The following MPRIP variants were observed in gnomAD, a reference collection of about 807,000 sequenced individuals.
MPRIP encodes the protein myosin phosphatase Rho interacting protein.
Under a neutral mutation model 234.9 loss-of-function variants are expected in MPRIP, and 59 were observed. The observed-to-expected ratio is 0.25, with a 90% CI of 0.20 to 0.31. The LOEUF is 0.31. MPRIP is among the 10% of genes least tolerant of loss of function. MPRIP has a pLI of 1.00. For synonymous variants in MPRIP, 1,144 were observed against 1,263.9 expected (o/e 0.91, Z 2.01); for missense variants, 2,436 against 3,071.0 (o/e 0.79, Z 4.89).
chr17:17,042,539 G>A lies in MPRIP; in HGVS notation c.-310G>A, dbSNP rs1274094679. 13 of 147,362 alleles carry A rather than the reference G, an allele frequency of 8.8e-5. No homozygotes were observed. The highest frequency in any genetic ancestry group is 3.2e-4 in the African/African-American group (13 of 40,998). 9.1% of individuals were successfully genotyped at this position (147,362 alleles called of 1,614,324 possible). A position where few individuals can be genotyped will look rare whatever the true frequency, so the allele number is the denominator to read the frequency against. ...TGCGGCGGCGCGGACGAGCCGGGAC[G>A]GCGGCGACCGGAGCCTGAGAGGCGG... is the stretch of plus-strand genomic sequence containing the variant. On this transcript the variant is annotated 5_prime_UTR_variant, in exon 1 of 24. Transcript: ENST00000651222.
At chr17:17,153,058 G>T (rs948269192) in intron 12 of MPRIP, among the ~76,000 whole-genome samples, 1 of 152,142 alleles carries the variant, frequency 6.6e-6, no homozygotes, top group Non-Finnish European at 1.5e-5. Context: ...CTCCAGCAAC[G>T]CCCACACCTG....
rs1419385177 is a variant in MPRIP, at chr17:17,191,002, G to T, written c.*6108G>T. 2.0e-5 allele frequency: 3 copies of T among 152,162 alleles called. No homozygotes were observed. The highest frequency in any genetic ancestry group is 4.4e-5 in the Non-Finnish European group (3 of 68,026). The allele number at this position is 152,162 out of a possible 1,614,324, so 9.4% of individuals were successfully genotyped here. ...CTTAGACACCCCTTTTTAAGATGGG[G>T]AGAACAGGGTTGACTGCACCGTTGA... On this transcript the variant is annotated 3_prime_UTR_variant, in exon 24 of 24. Transcript: ENST00000651222.
At chr17:17,176,284 C>T (rs760305294) in intron 20 of MPRIP, 142 bp from the exon 21 acceptor site, 10 of 677,272 alleles carry the variant, frequency 1.5e-5, no homozygotes, top group Admixed American at 2.2e-5. Flanking sequence ...GGTGTTTAAA[C>T]GATGCTTGCC....
intron 5 of MPRIP, among the ~76,000 whole-genome samples, chr17:17,132,923 A>AT (rs1255744055): frequency 1.2e-4 from 18 of 152,362 alleles, no homozygotes; most frequent in African/African-American, 4.3e-4. Flanking sequence ...AAACAAAAAA[A>AT]TCACAGGCAG....
chr17:17,175,817 T>C (rs368063798), intron 20 of MPRIP, among the ~76,000 whole-genome samples: 2 of 152,232 alleles, frequency 1.3e-5, no homozygotes, highest in East Asian at 3.8e-4. Context: ...GGCACTTAGA[T>C]TTCTCCACAT....
intron 3 of MPRIP, among the ~76,000 whole-genome samples, chr17:17,113,134 G>C (rs967171982): frequency 6.6e-6 from 1 of 152,164 alleles, no homozygotes; most frequent in African/African-American, 2.4e-5. Flanking sequence ...TCCTGGCCCT[G>C]CCCTGCAGTC....
rs763291728 is a variant in MPRIP, at chr17:17,143,571, G to A, written c.1405G>A (p.Ala469Thr). The A allele has an allele frequency of 1.9e-6, 3 of 1,596,310 alleles. No homozygotes were observed. In the Admixed American group the frequency reaches 5.2e-5, roughly 28 times the overall value. Reference sequence around the variant, plus strand: ...TCTGCCACAGGACTTCACCAATGAAGCCCCCCCAGCTCCTCTCCCAGACGC... The same window carrying A: ...TCTGCCACAGGACTTCACCAATGAAACCCCCCCAGCTCCTCTCCCAGACGC... ...FPRKRDFTNE[A>T]PPAPLPDASA... Residue 469 changes from alanine to threonine, a missense_variant, in exon 9 of 24, where the codon GCC becomes ACC. This residue lies in a region of MPRIP where 267 missense variants were observed against 252.7 expected (regional missense o/e 1.06). Transcript: ENST00000651222.
intron 1 of MPRIP, among the ~76,000 whole-genome samples, chr17:17,064,147 T>A (rs1303614227): frequency 6.6e-6 from 1 of 151,486 alleles, no homozygotes; most frequent in Non-Finnish European, 1.5e-5. Flanking sequence ...TGTAGACCCC[T>A]GAGGACTGAC....
intron 13 of MPRIP, among the ~76,000 whole-genome samples, chr17:17,155,333 A>T (rs889958407): frequency 6.6e-6 from 1 of 151,144 alleles, no homozygotes; most frequent in Non-Finnish European, 1.5e-5. Context: ...GCTCGCTGCA[A>T]CCTCCACCTC....
chr17:17,063,330 C>CAGGAT (rs2088923249), intron 1 of MPRIP, among the ~76,000 whole-genome samples: 1 of 152,182 alleles, frequency 6.6e-6, no homozygotes, highest in Non-Finnish European at 1.5e-5. Context: ...CTGGATGAGG[C>CAGGAT]AGGATTCTTG....
In MPRIP at chr17:17,158,523, G is replaced by A; in HGVS notation, c.1921G>A (p.Asp641Asn). 2.5e-6 allele frequency: 4 copies of A among 1,611,794 alleles called. No individual in the cohort carries two copies. Among genetic ancestry groups the A allele is most frequent in the Non-Finnish European group, 3.4e-6 (4 of 1,179,920 alleles). The change falls in exon 14 of 24, where the codon GAC becomes AAC. Residue 641 changes from aspartate (D) to asparagine (N), a missense_variant. Asp to Asn is a conservative substitution (Grantham distance 23). Around this residue, in one of 4 missense-constraint regions of MPRIP, gnomAD observed 1,998 missense variants for 2,520.3 expected, o/e 0.79. Transcript: ENST00000651222. ...GCAAGAGGCAGAGCTGGGGGAGCCG[G>A]ACCCTGAGCAGAAGAGGAGCCGCGC... ...EKQEAELGEPDPEQKRSRARE... is the reference protein window; with the variant it reads ...EKQEAELGEPNPEQKRSRARE...
intron 3 of MPRIP, among the ~76,000 whole-genome samples, chr17:17,080,175 G>A (rs567916827): frequency 6.6e-6 from 1 of 152,342 alleles, no homozygotes; most frequent in South Asian, 2.1e-4. Context: ...CCGAGGCTGT[G>A]GAGGGGTTTC....
intron 1 of MPRIP, among the ~76,000 whole-genome samples, chr17:17,055,947 G>A (rs1040684846): frequency 1.3e-5 from 2 of 152,248 alleles, no homozygotes; most frequent in African/African-American, 4.8e-5. Context: ...GAAGGGTAGA[G>A]AGAGGTAGTA....
chr17:17,170,667 G>A (rs1001728272), intron 16 of MPRIP, among the ~76,000 whole-genome samples: 6 of 152,224 alleles, frequency 3.9e-5, no homozygotes, highest in African/African-American at 1.4e-4. Context: ...CCCCACACTT[G>A]AATTTGGAAT....
At chr17:17,172,236 G>A (rs1050472148) in intron 17 of MPRIP, among the ~76,000 whole-genome samples, 4 of 152,224 alleles carry the variant, frequency 2.6e-5, no homozygotes, top group Non-Finnish European at 5.9e-5. Context: ...TGCCCCTGCC[G>A]TCAGCGTGAA....
In MPRIP at chr17:17,167,249, C is replaced by T. The variant is rs1447134420; in HGVS notation, c.5658C>T (p.Ala1886=). 7.7e-7 allele frequency: 1 copy of T among 1,303,862 alleles called. No homozygotes were observed. Among genetic ancestry groups the T allele is most frequent in the Admixed American group, 2.3e-5 (1 of 43,524 alleles). 80.8% of individuals were successfully genotyped at this position (1,303,862 alleles called of 1,614,324 possible). A position where few individuals can be genotyped will look rare whatever the true frequency, so the allele number is the denominator to read the frequency against. ...CAGAGCAGGCACAGGCAGCCCGGGC[C>T]CTGAGGGAGGAGTATGAGGAGCTTC... ...SCSEQAQAAR[A]LREEYEELLR... The change falls in exon 16 of 24, where the codon GCC becomes GCT. Residue 1886 remains alanine (A), a synonymous_variant. Coordinates refer to ENST00000651222, the MANE Select transcript of MPRIP (RefSeq NM_001364716.4). This position sits in a 1 kb window ranked among gnomAD's most constrained non-coding sequence, Gnocchi z 5.9.
At chr17:17,112,115 C>A (rs1567722396) in intron 3 of MPRIP, among the ~76,000 whole-genome samples, 1 of 152,114 alleles carries the variant, frequency 6.6e-6, no homozygotes, top group Admixed American at 6.5e-5. Context: ...AACTGGTGTC[C>A]CTGTGTATGC....
chr17:17,170,585 G>A (rs1023823884), intron 16 of MPRIP, among the ~76,000 whole-genome samples: 6 of 152,230 alleles, frequency 3.9e-5, no homozygotes, highest in Admixed American at 3.9e-4. Flanking sequence ...GGATTTCTTG[G>A]TATCCTTTCT....
In MPRIP at chr17:17,131,643, C is replaced by T; in HGVS notation, c.446C>T (p.Pro149Leu). 1 of 1,614,112 alleles carries T rather than the reference C, an allele frequency of 6.2e-7. No individual in the cohort carries two copies. The highest frequency in any genetic ancestry group is 1.1e-5 in the South Asian group (1 of 91,080). Reference sequence around the variant, plus strand: ...TGGCTGGAGATGCTCATGGTCTATCCCCGGACCAACAAGCAGAATCAGAAG... The same window carrying T: ...TGGCTGGAGATGCTCATGGTCTATCTCCGGACCAACAAGCAGAATCAGAAG... ...SGWLEMLMVY[P>L]RTNKQNQKKK... is the part of the protein sequence containing the mutation. The change falls in exon 5 of 24, where the codon CCC (proline) becomes CTC (leucine). Residue 149 changes from proline to leucine, a missense_variant. By Grantham distance (98) the Pro-to-Leu change is moderately conservative. Transcript: ENST00000651222.
Sources: allele counts gnomAD v4.1 joint callset (sites outside exome capture counted in the v4.1 genomes callset), GRCh38; gene constraint gnomAD v4.1.1; regional missense constraint gnomAD v4.1.1; non-coding constraint Gnocchi (gnomAD v3.1); transcripts MANE v1.5; gene names NCBI Gene and HGNC (gene_info 2026-07-23, HGNC 2026-07-21).